Variants in MAGI1 observed in about 807,000 individuals in gnomAD.
MAGI1 encodes the protein membrane associated guanylate kinase, WW and PDZ domain containing 1.
MAGI1 carries 58 observed loss-of-function variants against 139.9 expected under a neutral mutation model. The observed-to-expected ratio is 0.41, with a 90% CI of 0.34 to 0.52. The LOEUF is 0.52. Ranked by LOEUF, MAGI1 falls within the 20% of genes least tolerant of loss-of-function variation. The pLI, the probability that MAGI1 is intolerant of heterozygous loss-of-function variation, is 0.12. For synonymous variants in MAGI1, 812 were observed against 737.9 expected (o/e 1.10, Z -1.63); for missense variants, 1,874 against 1,901.6 (o/e 0.99, Z 0.27).
At chr3:65,621,912 A>G (rs942785367) in intron 2 of MAGI1, 60 bp downstream of exon 2, 6 of 1,092,476 alleles carry the variant, frequency 5.5e-6, no homozygotes, top group Admixed American at 4.4e-5. Context: ...TCTCCCCTGG[A>G]CTTTTCACAC....
At position 65,865,663 on chromosome 3, in the gene MAGI1, G is replaced by A. The variant is rs184488393; in HGVS notation, c.313+172333C>T. Among the ~76,000 whole-genome samples, 23 of 152,232 alleles carry A rather than the reference G, an allele frequency of 1.5e-4. No homozygotes were observed. The East Asian group carries it at 4.4e-3, about 29-fold the overall frequency. On this transcript the variant is annotated intron_variant, in intron 1 of 22. Transcript: ENST00000402939. Reference sequence around the variant, plus strand: ...TGTTTTGTTTTGTTTTGTTTGCGATGGAGTTTCACTCTTGTTGCCCAGGCT... The same window carrying A: ...TGTTTTGTTTTGTTTTGTTTGCGATAGAGTTTCACTCTTGTTGCCCAGGCT...
intron 1 of MAGI1, among the ~76,000 whole-genome samples, chr3:65,683,968 C>CTAGAGAG (rs1283036057): frequency 1.7e-4 from 25 of 147,510 alleles, no homozygotes; most frequent in African/African-American, 4.5e-4. Context: ...AGTTTGATAC[C>CTAGAGAG]AGCCTGGGCA....
At chr3:65,462,891 G>A (rs1949911673) in intron 5 of MAGI1, among the ~76,000 whole-genome samples, 1 of 152,284 alleles carries the variant, frequency 6.6e-6, no homozygotes, top group African/African-American at 2.4e-5. Context: ...TTGTGAATGG[G>A]AGTTCACTCA....
rs532286469 is a variant in MAGI1, at chr3:65,825,884, A to T, written c.314-203796T>A. Among the ~76,000 whole-genome samples the T allele has an allele frequency of 1.6e-3, 239 of 152,230 alleles. 5 individuals carry two copies. Among genetic ancestry groups the T allele is most frequent in the Non-Finnish European group, 1.8e-3 (125 of 68,010 alleles). ...ATGCCTGTAGTCCCAGCTACTCGGG[A>T]GGCTGAGGCAGGAGAATTGCTTGAA... On this transcript the variant is annotated intron_variant, in intron 1 of 22. Transcript: ENST00000402939.
Position 65,597,928 on chromosome 3 carries a change from G to A in MAGI1, c.430+24044C>T, listed in dbSNP as rs777646686. The A allele has an allele frequency of 1.1e-4, 39 of 353,070 alleles. No individual in the cohort carries two copies. The African/African-American group carries it at 1.2e-3, about 11-fold the overall frequency. 21.9% of individuals were successfully genotyped at this position (353,070 alleles called of 1,614,324 possible). A position where few individuals can be genotyped will look rare whatever the true frequency, so the allele number is the denominator to read the frequency against. On this transcript the variant is annotated intron_variant, in intron 2 of 22. Coordinates refer to ENST00000402939, the MANE Select transcript of MAGI1 (RefSeq NM_001033057.2). ...CGGCTGTAAAGAGAGGCGGGGGTGG[G>A]GGGGGGGTGGGACCGAACCCCTTCC...
intron 2 of MAGI1, among the ~76,000 whole-genome samples, chr3:65,537,973 T>TA (rs2079037019): frequency 1.3e-5 from 2 of 151,688 alleles, no homozygotes; most frequent in Admixed American, 1.3e-4. Flanking sequence ...AAAAAATTAA[T>TA]AAAAAAATAA....
intron 1 of MAGI1, among the ~76,000 whole-genome samples, chr3:65,877,639 A>C (rs2060166220): frequency 6.6e-6 from 1 of 152,080 alleles, no homozygotes; most frequent in Admixed American, 6.5e-5. Flanking sequence ...TTTTAGTTTA[A>C]CTGATTCCCA....
chr3:65,433,749 T>A (rs1254429629), intron 10 of MAGI1, among the ~76,000 whole-genome samples: 1 of 152,076 alleles, frequency 6.6e-6, no homozygotes, highest in East Asian at 1.9e-4. Context: ...CCCAAAACTC[T>A]GCACCTGAAT....
chr3:65,703,758 A>T (rs73832923), intron 1 of MAGI1, among the ~76,000 whole-genome samples: 24,448 of 152,076 alleles, frequency 0.16, 2,063 homozygotes, highest in Non-Finnish European at 0.19. Flanking sequence ...TGCGGGAGAG[A>T]AGGAGGGAGA....
At chr3:65,769,107 A>C (rs2107928054) in intron 1 of MAGI1, among the ~76,000 whole-genome samples, 2 of 152,356 alleles carry the variant, frequency 1.3e-5, no homozygotes, top group Middle Eastern at 6.8e-3. Context: ...TGAACTCAAT[A>C]TTGGCTTTCT....
At chr3:65,569,989 T>A (rs1207569179) in intron 2 of MAGI1, among the ~76,000 whole-genome samples, 1 of 151,328 alleles carries the variant, frequency 6.6e-6, no homozygotes, top group Non-Finnish European at 1.5e-5. Context: ...CTTTGCAACA[T>A]TAGAAAGATG....
At chr3:65,374,469 C>T (rs994883826) in intron 18 of MAGI1, among the ~76,000 whole-genome samples, 1 of 152,026 alleles carries the variant, frequency 6.6e-6, no homozygotes, top group Non-Finnish European at 1.5e-5. Flanking sequence ...AGGCATGTGC[C>T]ACCACGCTAA....
At chr3:65,967,742 G>A (rs141532936) in intron 1 of MAGI1, among the ~76,000 whole-genome samples, 1 of 152,230 alleles carries the variant, frequency 6.6e-6, no homozygotes, top group Non-Finnish European at 1.5e-5. Flanking sequence ...CTGTCTTTAA[G>A]TACTGGCAAG....
intron 13 of MAGI1, among the ~76,000 whole-genome samples, chr3:65,397,864 T>C (rs750806574): frequency 6.6e-5 from 10 of 152,072 alleles, no homozygotes; most frequent in Non-Finnish European, 1.2e-4. Context: ...TTAATGTGGT[T>C]ATTATTTCTC....
rs150068400 is a variant in MAGI1, at chr3:65,976,788, T to C, written c.313+61208A>G. Among the ~76,000 whole-genome samples, 234 of 152,342 alleles carry C rather than the reference T, an allele frequency of 1.5e-3. 3 individuals are homozygous for C. Among genetic ancestry groups the C allele is most frequent in the Non-Finnish European group, 2.1e-3 (145 of 68,040 alleles). ...AAACACACTTAGCTTAAGGCACAGG[T>C]AAACCATGAAGAAGACTTAGAAGCT... On this transcript the variant is annotated intron_variant, in intron 1 of 22. Transcript: ENST00000402939.
rs558027904 is a variant in MAGI1, at chr3:65,360,919, C to T, written c.3634+280G>A. 8 of 1,376,120 alleles carry T rather than the reference C, an allele frequency of 5.8e-6. No individual in the cohort carries two copies. The African/African-American group carries it at 1.0e-4, about 17-fold the overall frequency. 85.2% of individuals were successfully genotyped at this position (1,376,120 alleles called of 1,614,324 possible). On this transcript the variant is annotated intron_variant, in intron 22 of 22. Transcript: ENST00000402939. Reference sequence around the variant, plus strand: ...GTTTGGCACAGTACAAACAAACATTCCTTCGCTCTTGGTCGGACTAGACAA... The same window carrying T: ...GTTTGGCACAGTACAAACAAACATTTCTTCGCTCTTGGTCGGACTAGACAA...
chr3:65,763,903 T>C (rs1424153746), intron 1 of MAGI1, among the ~76,000 whole-genome samples: 1 of 151,664 alleles, frequency 6.6e-6, no homozygotes, highest in Non-Finnish European at 1.5e-5. Context: ...AAACCCCATC[T>C]CTACAAATAA....
chr3:65,383,752 A>T, intron 14 of MAGI1, 129 bp from the exon 15 acceptor site: 1 of 694,056 alleles, frequency 1.4e-6, no homozygotes. Context: ...ATATAGGCAA[A>T]GAAACAAAAT....
chr3:65,683,793 G>A (rs558545542), intron 1 of MAGI1, among the ~76,000 whole-genome samples: 10 of 151,824 alleles, frequency 6.6e-5, no homozygotes, highest in Admixed American at 2.6e-4. Context: ...AAATATTGAC[G>A]CCACCAAATG....
Sources: gnomAD v4.1 joint callset for allele counts (sites outside exome capture counted in the v4.1 genomes callset) on GRCh38, gnomAD v4.1.1 for gene constraint, MANE v1.5 for transcripts, NCBI Gene and HGNC (gene_info 2026-07-23, HGNC 2026-07-21) for gene names.